PCDH15: variants seen among roughly 807,000 people sequenced by gnomAD.
PCDH15 encodes protocadherin related 15, also known as protocadherin-15.
In PCDH15, 129 loss-of-function variants were observed where a neutral mutation model predicts 178.5. The observed-to-expected ratio is 0.72, with a 90% CI of 0.63 to 0.84. The LOEUF (loss-of-function observed/expected upper bound fraction) is 0.84. Ranked by LOEUF, PCDH15 falls within the 40% of genes least tolerant of loss-of-function variation. The probability of loss-of-function intolerance (pLI) is 0.00; values close to 1 mark genes in which losing one functional copy is unlikely to be tolerated. For missense variants in PCDH15, 2,230 were observed against 2,099.9 expected, an observed-to-expected ratio of 1.06 and a Z score of -1.21; for synonymous variants, 800 against 732.0, an observed-to-expected ratio of 1.09 and a Z score of -1.50.
intron 32 of PCDH15, among the ~76,000 whole-genome samples, chr10:53,820,650 T>C (rs973456669): frequency 1.3e-5 from 2 of 152,042 alleles, no homozygotes; most frequent in Non-Finnish European, 2.9e-5. Context: ...ACCTATTCCA[T>C]GTGTTTCATG....
intron 2 of PCDH15, among the ~76,000 whole-genome samples, chr10:54,615,293 T>C (rs1036639228): frequency 1.3e-5 from 2 of 152,064 alleles, no homozygotes; most frequent in Non-Finnish European, 2.9e-5. Context: ...TAATTCTTCT[T>C]TACCAGATAC....
intron 1 of PCDH15, among the ~76,000 whole-genome samples, chr10:54,754,905 T>C (rs1018522981): frequency 1.1e-4 from 17 of 151,532 alleles, no homozygotes; most frequent in African/African-American, 3.2e-4. Flanking sequence ...TTAAGATAAT[T>C]TATTTGCCAT....
chr10:54,695,436 A>AAATTATTGTATTATT (rs1565963224), intron 1 of PCDH15, among the ~76,000 whole-genome samples: 2 of 152,178 alleles, frequency 1.3e-5, no homozygotes, highest in Non-Finnish European at 2.9e-5. Flanking sequence ...TCATCTCCAT[A>AAATTATTGTATTATT]ACATAAAAGT....
At chr10:54,071,640 A>T (rs887226811) in intron 17 of PCDH15, among the ~76,000 whole-genome samples, 2 of 152,148 alleles carry the variant, frequency 1.3e-5, no homozygotes, top group Non-Finnish European at 2.9e-5. Flanking sequence ...CATTCAATAC[A>T]TGGTTTAAGA....
intron 1 of PCDH15, among the ~76,000 whole-genome samples, chr10:54,769,397 G>C (rs994848151): frequency 3.3e-5 from 5 of 150,362 alleles, no homozygotes; most frequent in Non-Finnish European, 5.9e-5. Context: ...TAAGTGAAAG[G>C]ATGCTTAAAA....
intron 3 of PCDH15, among the ~76,000 whole-genome samples, chr10:54,836,802 A>G (rs1953325167): frequency 6.6e-6 from 1 of 152,142 alleles, no homozygotes; most frequent in Admixed American, 6.6e-5. Context: ...AACAAATAGA[A>G]TGACAAGCTG....
At chr10:55,218,035 C>T (rs1209511021) in intron 1 of PCDH15, among the ~76,000 whole-genome samples, 2 of 152,106 alleles carry the variant, frequency 1.3e-5, no homozygotes, top group African/African-American at 4.8e-5. Context: ...AGGAAGAGTT[C>T]TCCTGACACT....
chr10:54,220,793 C>A (rs1294260166), intron 9 of PCDH15, among the ~76,000 whole-genome samples: 1 of 151,488 alleles, frequency 6.6e-6, no homozygotes, highest in Non-Finnish European at 1.5e-5. Context: ...CCACTGCACT[C>A]CAGCCTGGGC....
intron 1 of PCDH15, among the ~76,000 whole-genome samples, chr10:55,292,342 G>T (rs1843027464): frequency 6.6e-6 from 1 of 152,112 alleles, no homozygotes; most frequent in South Asian, 2.1e-4. Flanking sequence ...CTAAAATCCA[G>T]CAGGGCAGTC....
rs138671167 is a variant in PCDH15, at chr10:55,304,085, G to T, written c.-156+15514C>A. Among the ~76,000 whole-genome samples, 853 of 151,942 alleles carry T rather than the reference G, an allele frequency of 5.6e-3. 6 individuals are homozygous for T. Among genetic ancestry groups the T allele is most frequent in the African/African-American group, 0.018 (756 of 41,426 alleles). ...TGTCTCACAAATTTTGATGTGTTTGGAGTAGCTAGTAACTGTGCAGCAAGA... is the reference window on the plus strand; with the variant it reads ...TGTCTCACAAATTTTGATGTGTTTGTAGTAGCTAGTAACTGTGCAGCAAGA... On this transcript the variant is annotated intron_variant, in intron 1 of 5. Coordinates refer to the PCDH15 transcript ENST00000458638.
chr10:54,518,067 T>G (rs1300629132), intron 3 of PCDH15, among the ~76,000 whole-genome samples: 1 of 152,092 alleles, frequency 6.6e-6, no homozygotes, highest in African/African-American at 2.4e-5. Context: ...AAGCAGTGTG[T>G]AGAGGGAAAT....
intron 32 of PCDH15, among the ~76,000 whole-genome samples, chr10:53,820,657 C>G (rs2076226603): frequency 6.6e-6 from 1 of 151,882 alleles, no homozygotes; most frequent in Admixed American, 6.6e-5. Flanking sequence ...CCATGTGTTT[C>G]ATGGGAAAAA....
chr10:54,980,302 T>G (rs868721885), intron 2 of PCDH15, among the ~76,000 whole-genome samples: 7 of 152,182 alleles, frequency 4.6e-5, no homozygotes, highest in African/African-American at 1.7e-4. Flanking sequence ...CACATATCTA[T>G]ATTTAATTTT....
At chr10:55,012,503 T>A (rs1840068169) in intron 2 of PCDH15, among the ~76,000 whole-genome samples, 1 of 152,142 alleles carries the variant, frequency 6.6e-6, no homozygotes. Context: ...ATTCCATTTC[T>A]TCAGCTCTAA....
intron 3 of PCDH15, among the ~76,000 whole-genome samples, chr10:54,846,881 C>A (rs1021556458): frequency 6.6e-6 from 1 of 152,052 alleles, no homozygotes; most frequent in Non-Finnish European, 1.5e-5. Flanking sequence ...AGAATAGATG[C>A]GGATGTTACA....
intron 2 of PCDH15, among the ~76,000 whole-genome samples, chr10:55,567,641 C>A (rs144651409): frequency 6.6e-6 from 1 of 151,930 alleles, no homozygotes; most frequent in Non-Finnish European, 1.5e-5. Flanking sequence ...CTTGAATAGA[C>A]ATTTATCCAA....
chr10:54,670,193 A>G (rs901089314), intron 1 of PCDH15, among the ~76,000 whole-genome samples: 1 of 152,284 alleles, frequency 6.6e-6, no homozygotes, highest in East Asian at 1.9e-4. Flanking sequence ...TTAAGAACTA[A>G]TCTTGCTATC....
At chr10:54,404,125 C>T (rs886701495) in intron 3 of PCDH15, among the ~76,000 whole-genome samples, 1 of 151,660 alleles carries the variant, frequency 6.6e-6, no homozygotes, top group African/African-American at 2.4e-5. Context: ...TTTTAATATT[C>T]ATATTATAAA....
At chr10:55,459,917 A>G (rs1417342302) in intron 2 of PCDH15, among the ~76,000 whole-genome samples, 1 of 152,106 alleles carries the variant, frequency 6.6e-6, no homozygotes, top group Non-Finnish European at 1.5e-5. Flanking sequence ...AGAATAATTG[A>G]ATGATTACAC....
Sources: allele counts gnomAD v4.1 joint callset (sites outside exome capture counted in the v4.1 genomes callset), GRCh38; gene constraint gnomAD v4.1.1; transcripts MANE v1.5; gene names NCBI Gene and HGNC (gene_info 2026-07-23, HGNC 2026-07-21).